The following CC2D2A variants were observed in gnomAD, a reference collection of about 807,000 sequenced individuals.
The protein encoded by CC2D2A is coiled-coil and C2 domain containing 2A.
A neutral mutation model predicts 212.9 loss-of-function variants in CC2D2A; 155 were observed. That is an observed-to-expected ratio of 0.73 (90% CI 0.64 to 0.83). The LOEUF is 0.83. Among genes scored for constraint, CC2D2A ranks in the 40% least tolerant of loss-of-function variants. The probability of loss-of-function intolerance (pLI) is 0.00; values close to 1 mark genes in which losing one functional copy is unlikely to be tolerated. For missense variants in CC2D2A, 1,856 were observed against 1,956.2 expected, an observed-to-expected ratio of 0.95 and a Z score of 0.97; for synonymous variants, 667 against 686.5, an observed-to-expected ratio of 0.97 and a Z score of 0.44.
At chr4:15,481,916 C>A (rs1409217169) in intron 4 of CC2D2A, 1 of 985,292 alleles carries the variant, frequency 1.0e-6, no homozygotes, top group African/African-American at 1.7e-5. Context: ...CTCCTGGTGA[C>A]CTTGCCATTG....
intron 30 of CC2D2A, among the ~76,000 whole-genome samples, chr4:15,582,776 T>G (rs1010734242): frequency 3.3e-5 from 5 of 152,140 alleles, no homozygotes; most frequent in African/African-American, 1.2e-4. Flanking sequence ...AAATAAGGAC[T>G]AACATCAATT....
intron 31 of CC2D2A, 75 bp downstream of exon 31, chr4:15,586,321 T>C: frequency 1.2e-6 from 1 of 867,538 alleles, no homozygotes; most frequent in East Asian, 2.9e-5. Context: ...CTTGCATAAT[T>C]TTAAATTGCA....
chr4:15,483,668 C>G (rs1714824763), intron 4 of CC2D2A, among the ~76,000 whole-genome samples: 1 of 152,078 alleles, frequency 6.6e-6, no homozygotes, highest in Non-Finnish European at 1.5e-5. Context: ...ACATAAAATC[C>G]ACACTCTCTT....
chr4:15,572,843 T>C (rs1017300321), intron 28 of CC2D2A, among the ~76,000 whole-genome samples: 32 of 152,246 alleles, frequency 2.1e-4, no homozygotes, highest in African/African-American at 7.0e-4. Flanking sequence ...GCCTTCAGTC[T>C]GGGCTGAAGG....
chr4:15,507,540 A>C (rs188509247), intron 6 of CC2D2A, among the ~76,000 whole-genome samples: 7 of 152,194 alleles, frequency 4.6e-5, no homozygotes, highest in Admixed American at 2.0e-4. Context: ...AGCACCAACT[A>C]TGTAGAGGCC....
rs1174732662 is a variant in CC2D2A, at chr4:15,510,209, A to G, written c.509A>G (p.Asp170Gly). ...SQSYSRVKFHDSARKIKPKPQ... is the reference protein window; with the variant it reads ...SQSYSRVKFHGSARKIKPKPQ... ...AGTTACTCAAGAGTCAAGTTCCATG[A>G]TTCTGCACGAAAAATCAAGCCTAAA... The change falls in exon 7 of 37, where the codon GAT becomes GGT. Residue 170 changes from aspartate (D) to glycine (G), a missense_variant. Coordinates refer to ENST00000424120, the MANE Select transcript of CC2D2A (RefSeq NM_001378615.1). 6.2e-7 allele frequency: 1 copy of G among 1,612,352 alleles called. No homozygotes were observed. The highest frequency in any genetic ancestry group is 8.5e-7 in the Non-Finnish European group (1 of 1,179,504).
intron 20 of CC2D2A, among the ~76,000 whole-genome samples, chr4:15,556,522 T>C (rs1719289025): frequency 6.6e-6 from 1 of 152,250 alleles, no homozygotes; most frequent in Non-Finnish European, 1.5e-5. Context: ...TTTAACTATA[T>C]GTTTTCCCAT....
chr4:15,547,394 C>T (rs1718767021), intron 17 of CC2D2A, among the ~76,000 whole-genome samples: 1 of 152,150 alleles, frequency 6.6e-6, no homozygotes, highest in African/African-American at 2.4e-5. Context: ...TGCTATCAAA[C>T]ACTAGAACAT....
chr4:15,552,277 A>G (rs1719042916), intron 18 of CC2D2A, among the ~76,000 whole-genome samples: 1 of 152,166 alleles, frequency 6.6e-6, no homozygotes, highest in Non-Finnish European at 1.5e-5. Context: ...GTGCTTTGCA[A>G]ATATTAACTT....
intron 6 of CC2D2A, among the ~76,000 whole-genome samples, chr4:15,507,763 C>T (rs999159065): frequency 2.6e-5 from 4 of 152,164 alleles, no homozygotes; most frequent in African/African-American, 7.2e-5. Context: ...GCTTGGAGAA[C>T]GTAACAGTGG....
chr4:15,502,488 C>T lies in CC2D2A; in HGVS notation c.307C>T (p.Arg103Cys), dbSNP rs367699902. ...TGFAEFSMRG[R>C]MREKLQAARS... is the part of the protein sequence containing the mutation. ...CTTTGCAGAATTTTCCATGAGGGGA[C>T]GCATGAGGGAGAAATTGCAAGCAGC... Residue 103 changes from arginine (R) to cysteine (C), a missense_variant, in exon 5 of 37, where the codon CGC becomes TGC. By Grantham distance (180) the Arg-to-Cys change is radical. Around this residue, in one of 5 missense-constraint regions of CC2D2A, gnomAD observed 1,512 missense variants for 1,579.3 expected, o/e 0.96. Transcript: ENST00000424120. The T allele has an allele frequency of 1.0e-5, 16 of 1,607,902 alleles. No homozygotes were observed. Among genetic ancestry groups the T allele is most frequent in the Middle Eastern group, 3.3e-4 (2 of 6,064 alleles).
At chr4:15,485,287 T>C (rs1714932573) in intron 4 of CC2D2A, among the ~76,000 whole-genome samples, 1 of 152,220 alleles carries the variant, frequency 6.6e-6, no homozygotes, top group Non-Finnish European at 1.5e-5. Context: ...GTTCCATCCA[T>C]GTTGTTGCAA....
intron 4 of CC2D2A, chr4:15,492,659 C>A: frequency 1.7e-6 from 1 of 589,836 alleles, no homozygotes; most frequent in South Asian, 1.5e-5. Context: ...GGCAGGGACT[C>A]CTCAGCAGCT....
intron 29 of CC2D2A, among the ~76,000 whole-genome samples, chr4:15,575,726 T>A (rs185048029): frequency 3.3e-5 from 5 of 152,382 alleles, no homozygotes; most frequent in Admixed American, 3.3e-4. Flanking sequence ...CAAAATATTT[T>A]AGAAAGGGAA....
intron 17 of CC2D2A, among the ~76,000 whole-genome samples, chr4:15,548,625 TCA>T (rs1718832676): frequency 6.6e-6 from 1 of 151,580 alleles, no homozygotes; most frequent in African/African-American, 2.4e-5. Flanking sequence ...AGAAAACACA[TCA>T]TTTTCTTGGG....
chr4:15,526,527 TAC>T (rs1717520620), intron 11 of CC2D2A, among the ~76,000 whole-genome samples: 2 of 152,222 alleles, frequency 1.3e-5, no homozygotes, highest in South Asian at 4.1e-4. Flanking sequence ...TTAGAATTTT[TAC>T]ACTTTTCCTT....
chr4:15,574,021 G>T (rs1262252925), intron 28 of CC2D2A, 129 bp from the exon 29 acceptor site: 4 of 666,080 alleles, frequency 6.0e-6, no homozygotes, highest in South Asian at 2.1e-5. Flanking sequence ...TAGAAAGATG[G>T]GATTGGCTTT....
intron 18 of CC2D2A, among the ~76,000 whole-genome samples, chr4:15,552,210 C>T (rs1280570236): frequency 1.3e-5 from 2 of 152,202 alleles, no homozygotes; most frequent in Admixed American, 6.5e-5. Context: ...GTAGCCACAA[C>T]AGCTTAGTAA....
At position 15,559,068 on chromosome 4, in the gene CC2D2A, A is replaced by G. The variant is rs147979314; in HGVS notation, c.2830-97A>G. On this transcript the variant is annotated intron_variant, in intron 21 of 36. Coordinates refer to ENST00000424120, the MANE Select transcript of CC2D2A (RefSeq NM_001378615.1). ...GAAGGTGGAAGAAATATTTAAAACCACAAGTTATAACTTAAATCATATGTG... is the reference window on the plus strand; with the variant it reads ...GAAGGTGGAAGAAATATTTAAAACCGCAAGTTATAACTTAAATCATATGTG... The G allele has an allele frequency of 0.02, 15,583 of 793,526 alleles. 209 individuals carry two copies. The highest frequency in any genetic ancestry group is 0.025 in the Non-Finnish European group (12,418 of 492,220). The allele number at this position is 793,526 out of a possible 1,614,324, so 49.2% of individuals were successfully genotyped here. A position where few individuals can be genotyped will look rare whatever the true frequency, so the allele number is the denominator to read the frequency against.
Sources: gnomAD v4.1 joint callset for allele counts (sites outside exome capture counted in the v4.1 genomes callset) on GRCh38, gnomAD v4.1.1 for gene constraint, gnomAD v4.1.1 regional missense constraint, MANE v1.5 for transcripts, NCBI Gene and HGNC (gene_info 2026-07-23, HGNC 2026-07-21) for gene names.